The following TMEM178B variants were observed in gnomAD, a reference collection of about 807,000 sequenced individuals.
TMEM178B encodes transmembrane protein 178B.
Under a neutral mutation model 31.0 loss-of-function variants are expected in TMEM178B, and 5 were observed. The observed-to-expected ratio is 0.16, with a 90% CI of 0.08 to 0.34. The LOEUF (loss-of-function observed/expected upper bound fraction) is 0.34. Among genes scored for constraint, TMEM178B ranks in the 10% least tolerant of loss-of-function variants. The pLI is 1.00. For synonymous variants in TMEM178B, 164 were observed against 164.0 expected (o/e 1.00, Z 0.00); for missense variants, 275 against 400.3 (o/e 0.69, Z 2.67).
At chr7:141,310,500 C>T (rs1798890012) in intron 2 of TMEM178B, among the ~76,000 whole-genome samples, 2 of 152,246 alleles carry the variant, frequency 1.3e-5, no homozygotes, top group South Asian at 2.1e-4. Flanking sequence ...TGGTGGTTTG[C>T]TGCACCTATC....
chr7:141,489,616 G>GT, the TMEM178B span, among the ~76,000 whole-genome samples: 6 of 151,190 alleles, frequency 4.0e-5, no homozygotes, highest in Non-Finnish European at 8.8e-5. Flanking sequence ...TCTCTCCCCA[G>GT]TCCCTTCATG....
At position 141,476,592 on chromosome 7, in the gene TMEM178B, A is replaced by C. The variant is rs1395252832; in HGVS notation, c.*5806A>C. On this transcript the variant is annotated 3_prime_UTR_variant, in exon 4 of 4. Transcript: ENST00000565468. ...GAGCTGGGATCTTCTTTCTCTTGTC[A>C]GTTGCTGAAGCCAGTAGCTTCGTCA... 1 of 152,184 alleles carries C rather than the reference A, an allele frequency of 6.6e-6. No homozygotes were observed. The highest frequency in any genetic ancestry group is 1.5e-5 in the Non-Finnish European group (1 of 68,030). 9.4% of individuals were successfully genotyped at this position (152,184 alleles called of 1,614,324 possible).
intron 2 of TMEM178B, among the ~76,000 whole-genome samples, chr7:141,298,808 A>G (rs981692337): frequency 3.3e-5 from 5 of 152,244 alleles, no homozygotes; most frequent in Non-Finnish European, 5.9e-5. Context: ...TGCAATCCAC[A>G]TACCAATTTC....
At chr7:141,114,346 C>T (rs1318412086) in intron 1 of TMEM178B, among the ~76,000 whole-genome samples, 1 of 152,194 alleles carries the variant, frequency 6.6e-6, no homozygotes, top group Non-Finnish European at 1.5e-5. Flanking sequence ...ACTGTATCTC[C>T]CTTCAGCTGC....
intron 2 of TMEM178B, among the ~76,000 whole-genome samples, chr7:141,373,402 AGGTTG>A (rs1161124717): frequency 5.3e-5 from 8 of 152,334 alleles, no homozygotes; most frequent in African/African-American, 1.9e-4. Flanking sequence ...TACTTGCAGA[AGGTTG>A]GGTTTCCCTG....
rs572484561 is a variant in TMEM178B, at chr7:141,275,680, CTT to C, written c.496+62977_496+62978del. ...AATGTAAATAGCTCAATCAAGGTGCCTTCTGGATATAAGACTATGCTTTCTTT... is the reference window on the plus strand; with the variant it reads ...AATGTAAATAGCTCAATCAAGGTGCCCTGGATATAAGACTATGCTTTCTTT... On this transcript the variant is annotated intron_variant, in intron 2 of 3. Coordinates refer to ENST00000565468, the MANE Select transcript of TMEM178B (RefSeq NM_001195278.2). Among the ~76,000 whole-genome samples, 257 of 152,306 alleles carry C rather than the reference CTT, an allele frequency of 1.7e-3. 2 individuals are homozygous for C. Among genetic ancestry groups the C allele is most frequent in the East Asian group, 5.2e-3 (27 of 5,192 alleles).
intron 2 of TMEM178B, among the ~76,000 whole-genome samples, chr7:141,223,878 T>A (rs1797297068): frequency 6.6e-6 from 1 of 152,192 alleles, no homozygotes; most frequent in African/African-American, 2.4e-5. Context: ...GAAATATGAC[T>A]ATTTCAACTG....
At chr7:141,185,889 T>C (rs1796602660) in intron 1 of TMEM178B, among the ~76,000 whole-genome samples, 1 of 152,158 alleles carries the variant, frequency 6.6e-6, no homozygotes, top group East Asian at 1.9e-4. Context: ...GGAGCTGATA[T>C]TAAATGCCTC....
the TMEM178B span, among the ~76,000 whole-genome samples, chr7:141,491,648 A>G: frequency 6.6e-6 from 1 of 152,146 alleles, no homozygotes; most frequent in Non-Finnish European, 1.5e-5. Flanking sequence ...CAATCTCTAT[A>G]CCAAGTCTCA....
At chr7:141,158,116 G>C (rs1040190555) in intron 1 of TMEM178B, among the ~76,000 whole-genome samples, 2 of 152,076 alleles carry the variant, frequency 1.3e-5, no homozygotes, top group African/African-American at 4.8e-5. Flanking sequence ...TGTTTTTTGA[G>C]ATGGAGTCTC....
chr7:141,184,865 C>T (rs919529413), intron 1 of TMEM178B, among the ~76,000 whole-genome samples: 1 of 152,190 alleles, frequency 6.6e-6, no homozygotes, highest in Non-Finnish European at 1.5e-5. Flanking sequence ...TTCTGGAAGA[C>T]CCAGAGAGAG....
chr7:141,288,985 C>T (rs1233289857), intron 2 of TMEM178B, among the ~76,000 whole-genome samples: 2 of 152,170 alleles, frequency 1.3e-5, no homozygotes. Flanking sequence ...CAATTAGGCT[C>T]AATGCATTCA....
chr7:141,411,604 A>C (rs1175991459), intron 2 of TMEM178B, among the ~76,000 whole-genome samples: 1 of 152,200 alleles, frequency 6.6e-6, no homozygotes, highest in Non-Finnish European at 1.5e-5. Flanking sequence ...ATTATGTATA[A>C]TTTGGGTTGT....
At chr7:141,494,545 A>T in the TMEM178B span, among the ~76,000 whole-genome samples, 1 of 152,212 alleles carries the variant, frequency 6.6e-6, no homozygotes, top group African/African-American at 2.4e-5. Flanking sequence ...AACATTTAAA[A>T]AATCATATTA....
chr7:141,173,603 A>G (rs1427849341), intron 1 of TMEM178B, among the ~76,000 whole-genome samples: 1 of 152,222 alleles, frequency 6.6e-6, no homozygotes, highest in Non-Finnish European at 1.5e-5. Context: ...AAGGTCATTG[A>G]ATAATAACTT....
intron 1 of TMEM178B, among the ~76,000 whole-genome samples, chr7:141,195,738 T>C (rs1378222202): frequency 2.0e-5 from 3 of 152,130 alleles, no homozygotes; most frequent in Non-Finnish European, 2.9e-5. Flanking sequence ...ACACTGCTGA[T>C]AAAGACATAC....
intron 2 of TMEM178B, among the ~76,000 whole-genome samples, chr7:141,303,970 T>A (rs1798770612): frequency 2.0e-5 from 3 of 152,188 alleles, no homozygotes; most frequent in Admixed American, 2.0e-4. Flanking sequence ...GTTCAGTGAC[T>A]TGTCTCAGAC....
chr7:141,100,108 T>G (rs572891995), intron 1 of TMEM178B, among the ~76,000 whole-genome samples: 2 of 152,146 alleles, frequency 1.3e-5, no homozygotes, highest in Admixed American at 1.3e-4. Flanking sequence ...CGTGAGCCAC[T>G]GCGCCCGACC....
At chr7:141,097,410 A>G (rs1366021955) in intron 1 of TMEM178B, among the ~76,000 whole-genome samples, 1 of 151,310 alleles carries the variant, frequency 6.6e-6, no homozygotes, top group African/African-American at 2.4e-5. Context: ...AACTGTCTAC[A>G]TCTAGGTTAA....
Sources: allele counts gnomAD v4.1 joint callset (sites outside exome capture counted in the v4.1 genomes callset), GRCh38; gene constraint gnomAD v4.1.1; transcripts MANE v1.5; gene names NCBI Gene and HGNC (gene_info 2026-07-23, HGNC 2026-07-21).